Variants in CYTH1 observed in about 807,000 individuals in gnomAD.
CYTH1 encodes cytohesin-1.
Under a neutral mutation model 61.8 loss-of-function variants are expected in CYTH1, and 18 were observed. The ratio of observed to expected loss-of-function variants is 0.29; its 90% CI spans 0.20 to 0.43. The LOEUF (loss-of-function observed/expected upper bound fraction) is 0.43, where lower values mean the gene tolerates loss of function less well. CYTH1 is among the 20% of genes least tolerant of loss of function. CYTH1 has a pLI of 1.00. For missense variants in CYTH1, 336 were observed against 510.5 expected (o/e 0.66, Z 3.29); for synonymous variants, 174 against 184.3 (o/e 0.94, Z 0.45).
intron 1 of CYTH1, among the ~76,000 whole-genome samples, chr17:78,730,199 G>C (rs1360412980): frequency 6.6e-6 from 1 of 151,902 alleles, no homozygotes; most frequent in East Asian, 1.9e-4. Context: ...CAAAGGGAAA[G>C]AGACTTTAGA....
intron 10 of CYTH1, 141 bp downstream of exon 10, chr17:78,695,866 G>A: frequency 8.1e-7 from 1 of 1,238,992 alleles, no homozygotes; most frequent in Admixed American, 2.7e-5. Context: ...GTTCCCTAGG[G>A]ACTGTACAAT....
At chr17:78,765,757 C>G (rs1238800034) in intron 1 of CYTH1, among the ~76,000 whole-genome samples, 1 of 152,162 alleles carries the variant, frequency 6.6e-6, no homozygotes, top group Non-Finnish European at 1.5e-5. Context: ...CCTGGATGTG[C>G]TCCCCAAGAA....
chr17:78,737,746 G>C (rs2093326370), intron 1 of CYTH1, among the ~76,000 whole-genome samples: 1 of 151,872 alleles, frequency 6.6e-6, no homozygotes, highest in Admixed American at 6.6e-5. Context: ...TTGAAGATTA[G>C]AAAATAGTAA....
intron 1 of CYTH1, among the ~76,000 whole-genome samples, chr17:78,718,324 T>TA (rs1414817253): frequency 6.7e-6 from 1 of 150,150 alleles, no homozygotes; most frequent in Admixed American, 6.7e-5. Flanking sequence ...AGTAATGAAA[T>TA]AAAGCACCCA....
At chr17:78,751,782 T>C (rs1203062776) in intron 1 of CYTH1, among the ~76,000 whole-genome samples, 5 of 152,240 alleles carry the variant, frequency 3.3e-5, no homozygotes, top group Non-Finnish European at 5.9e-5. Flanking sequence ...CTGCTATTGG[T>C]TATATCAAAT....
At chr17:78,761,619 T>C (rs2093429050) in intron 1 of CYTH1, among the ~76,000 whole-genome samples, 1 of 151,976 alleles carries the variant, frequency 6.6e-6, no homozygotes. Context: ...GCACCTGTAG[T>C]CCCAGCTACT....
At chr17:78,712,703 A>G (rs2093146987) in intron 1 of CYTH1, among the ~76,000 whole-genome samples, 1 of 152,076 alleles carries the variant, frequency 6.6e-6, no homozygotes, top group Admixed American at 6.6e-5. Context: ...TAATTATTTC[A>G]TAATCAATTA....
At chr17:78,703,296 C>T (rs924581515) in intron 3 of CYTH1, among the ~76,000 whole-genome samples, 21 of 150,774 alleles carry the variant, frequency 1.4e-4, no homozygotes, top group African/African-American at 5.1e-4. Context: ...CCTGTAATCC[C>T]AGCTACTCGG....
At chr17:78,760,707 G>A (rs774260692) in intron 1 of CYTH1, among the ~76,000 whole-genome samples, 261 of 150,392 alleles carry the variant, frequency 1.7e-3, no homozygotes, top group Non-Finnish European at 3.0e-3. Context: ...CTTTTAAATA[G>A]AAGTGAAAAA....
intron 11 of CYTH1, among the ~76,000 whole-genome samples, chr17:78,692,167 C>G (rs1190387405): frequency 6.6e-6 from 1 of 152,196 alleles, no homozygotes; most frequent in Non-Finnish European, 1.5e-5. Flanking sequence ...TCCTCCAGGC[C>G]AGGTATCTCC....
intron 1 of CYTH1, among the ~76,000 whole-genome samples, chr17:78,760,498 C>CATATATATGT (rs1475848795): frequency 2.5e-5 from 1 of 39,452 alleles, no homozygotes; most frequent in Non-Finnish European, 4.4e-5. Flanking sequence ...TATATATATA[C>CATATATATGT]ATATATATGT....
intron 1 of CYTH1, among the ~76,000 whole-genome samples, chr17:78,777,810 C>T (rs1310542124): frequency 2.0e-5 from 3 of 149,918 alleles, no homozygotes; most frequent in Non-Finnish European, 4.4e-5. Flanking sequence ...CATGGTGAAA[C>T]CCCATCTCTA....
At chr17:78,683,157 C>T (rs375685917) in intron 11 of CYTH1, among the ~76,000 whole-genome samples, 3 of 151,814 alleles carry the variant, frequency 2.0e-5, no homozygotes, top group African/African-American at 7.3e-5. Flanking sequence ...ATTTTTGTTC[C>T]GTGGCTTCAT....
At chr17:78,698,209 A>G in intron 9 of CYTH1, 60 bp downstream of exon 9, 9 of 1,407,492 alleles carry the variant, frequency 6.4e-6, no homozygotes, top group South Asian at 1.2e-5. Flanking sequence ...ACACACGCAC[A>G]CACACCGCCT....
At chr17:78,778,171 C>T (rs1049366674) in intron 1 of CYTH1, among the ~76,000 whole-genome samples, 1 of 150,946 alleles carries the variant, frequency 6.6e-6, no homozygotes, top group African/African-American at 2.4e-5. Flanking sequence ...GACATGATAG[C>T]ATGTGCCTGT....
chr17:78,690,299 C>T (rs2092866588), intron 11 of CYTH1, among the ~76,000 whole-genome samples: 1 of 141,446 alleles, frequency 7.1e-6, no homozygotes. Flanking sequence ...GAGGCCGAGG[C>T]AGGAGAATGG....
chr17:78,770,418 GTT>G (rs2093466614), intron 1 of CYTH1, among the ~76,000 whole-genome samples: 1 of 148,006 alleles, frequency 6.8e-6, no homozygotes, highest in African/African-American at 2.5e-5. Context: ...TTTTTGTTTT[GTT>G]TTGTTTTGTT....
chr17:78,724,750 C>T (rs1406722762), intron 1 of CYTH1, among the ~76,000 whole-genome samples: 1 of 152,194 alleles, frequency 6.6e-6, no homozygotes, highest in Non-Finnish European at 1.5e-5. Context: ...TCATGGAAGG[C>T]ACCCGCCCCT....
chr17:78,764,754 G>A (rs1042584032), intron 1 of CYTH1, among the ~76,000 whole-genome samples: 20 of 152,182 alleles, frequency 1.3e-4, no homozygotes, highest in African/African-American at 4.8e-4. Context: ...TGGATTTAAT[G>A]ATTCAGTCAA....
Sources: allele counts gnomAD v4.1 joint callset (sites outside exome capture counted in the v4.1 genomes callset), GRCh38; gene constraint gnomAD v4.1.1; transcripts MANE v1.5; gene names NCBI Gene and HGNC (gene_info 2026-07-23, HGNC 2026-07-21).